Variants in ATP8B3 observed in about 807,000 individuals in gnomAD.
ATP8B3 encodes phospholipid-transporting ATPase IK.
Under a neutral mutation model 140.9 loss-of-function variants are expected in ATP8B3, and 141 were observed. The observed-to-expected ratio is 1.00, with a 90% CI of 0.87 to 1.15. The LOEUF is 1.15. Among genes scored for constraint, ATP8B3 ranks in the 50% most tolerant of loss-of-function variants. ATP8B3 has a pLI of 0.00. For synonymous variants in ATP8B3, 765 were observed against 714.6 expected (o/e 1.07, Z -1.13); for missense variants, 1,874 against 1,740.6 (o/e 1.08, Z -1.36).
intron 14 of ATP8B3, among the ~76,000 whole-genome samples, chr19:1,797,555 A>G (rs1281892328): frequency 6.6e-6 from 1 of 150,482 alleles, no homozygotes; most frequent in African/African-American, 2.5e-5. Flanking sequence ...ACTGGAGTGC[A>G]GTGGCACAAG....
At chr19:1,799,679 G>A (rs1271205187) in intron 14 of ATP8B3, 20 of 562,828 alleles carry the variant, frequency 3.6e-5, no homozygotes, top group South Asian at 1.2e-4. Flanking sequence ...CAGGAGAATC[G>A]CTTGAACCTG....
chr19:1,790,951 C>G, intron 20 of ATP8B3, 119 bp from the exon 21 acceptor site: 7 of 831,630 alleles, frequency 8.4e-6, no homozygotes, highest in Non-Finnish European at 1.3e-5. Context: ...GCCCCACCCC[C>G]TGGCCATGGT....
At chr19:1,809,572 CA>C in intron 4 of ATP8B3, 70 bp downstream of exon 4, 2 of 1,385,168 alleles carry the variant, frequency 1.4e-6, no homozygotes, top group Non-Finnish European at 2.0e-6. Flanking sequence ...TCAGGAGGAG[CA>C]AAAAATAGAT....
chr19:1,806,674 C>A lies in ATP8B3; in HGVS notation c.631G>T (p.Asp211Tyr). ...LVDDMGRHKSDRAINNRPCQI... is the reference protein window; with the variant it reads ...LVDDMGRHKSYRAINNRPCQI... ...CAGGGTCTGTTGTTGATGGCTCTGT[C>A]ACTCTTGTGTCTCCCCTGGGCCAGG... Residue 211 changes from aspartate to tyrosine, a missense_variant, in exon 7 of 29, where the codon GAC (aspartate) becomes TAC (tyrosine). Transcript: ENST00000310127. The surrounding 1 kb of genome is among the most constrained non-coding windows in gnomAD (Gnocchi z 5.6). 6.4e-7 allele frequency: 1 copy of A among 1,564,422 alleles called. No individual in the cohort carries two copies. The highest frequency in any genetic ancestry group is 2.4e-5 in the East Asian group (1 of 41,782).
chr19:1,800,066 C>T lies in ATP8B3; in HGVS notation c.1433G>A (p.Arg478His), dbSNP rs745956143. Reference sequence around the variant, plus strand: ...CAGGTGGTCGTTGAGGCTGGTGCTGCGGGCCTTGGCAGGCACGTCCTGCGG... The same window carrying T: ...CAGGTGGTCGTTGAGGCTGGTGCTGTGGGCCTTGGCAGGCACGTCCTGCGG... ...YKPQDVPAKA[R>H]STSLNDHLGQ... Residue 478 changes from arginine (R) to histidine (H), a missense_variant, in exon 14 of 29, where the codon CGC (arginine) becomes CAC (histidine). Arg to His is a conservative substitution (Grantham distance 29). Around this residue, in one of 3 missense-constraint regions of ATP8B3, gnomAD observed 1,032 missense variants for 963.6 expected, o/e 1.07. Coordinates refer to ENST00000310127, the MANE Select transcript of ATP8B3 (RefSeq NM_138813.4). The surrounding 1 kb of genome is among the most constrained non-coding windows in gnomAD (Gnocchi z 4.4). 7.6e-6 allele frequency: 12 copies of T among 1,589,234 alleles called. No homozygotes were observed. The South Asian group carries it at 1.0e-4, about 14-fold the overall frequency.
At chr19:1,811,461 T>C in intron 2 of ATP8B3, 28 bp downstream of exon 2, 1 of 1,600,944 alleles carries the variant, frequency 6.2e-7, no homozygotes, top group South Asian at 1.1e-5. Context: ...GCCCCTGTGT[T>C]CCGGCCACCC....
chr19:1,805,511 G>GCC lies in ATP8B3; in HGVS notation c.822-57_822-56dup. On this transcript the variant is annotated intron_variant, in intron 9 of 28. Transcript: ENST00000310127. The surrounding 1 kb of genome is among the most constrained non-coding windows in gnomAD (Gnocchi z 5.2). The stretch of plus-strand genomic sequence containing the variant: ...GTGGAGTTGATGGATGCTTCGAGGA[G>GCC]CCCCCAGACCCCTTCTGGAGTCACT... 1 of 1,410,784 alleles carries GCC rather than the reference G, an allele frequency of 7.1e-7. No homozygotes were observed. The allele number at this position is 1,410,784 out of a possible 1,614,324, so 87.4% of individuals were successfully genotyped here. A position where few individuals can be genotyped will look rare whatever the true frequency, so the allele number is the denominator to read the frequency against.
At position 1,784,918 on chromosome 19, in the gene ATP8B3, G is replaced by T. The variant is rs1200833999; in HGVS notation, c.3561C>A (p.Pro1187=). ...TCAGCAGGACCACCAGCAGGATGGA[G>T]GGAGAGGACATCACGCTGAGGTCGG... The part of the protein sequence containing the change: ...LYADLSVMSS[P]SILLVVLLSV... Residue 1187 remains proline (P), a synonymous_variant, in exon 28 of 29, where the codon CCC becomes CCA. Transcript: ENST00000310127. 1.9e-6 allele frequency: 3 copies of T among 1,612,446 alleles called. No homozygotes were observed. Among genetic ancestry groups the T allele is most frequent in the Non-Finnish European group, 2.5e-6 (3 of 1,179,304 alleles).
rs759214208 is a variant in ATP8B3, at chr19:1,796,888, G to A, written c.1585-9C>T. The A allele has an allele frequency of 3.0e-5, 48 of 1,610,944 alleles. No homozygotes were observed. The highest frequency in any genetic ancestry group is 4.0e-5 in the Non-Finnish European group (47 of 1,178,828). On this transcript the variant is annotated splice_polypyrimidine_tract_variant and intron_variant, in intron 15 of 28. Coordinates refer to ENST00000310127, the MANE Select transcript of ATP8B3 (RefSeq NM_138813.4). ...CAGAGGTAGGGGTTCTCCTGGGGGT[G>A]GCGGGGGCACGGGCCGGCTGTGGGT... is the stretch of plus-strand genomic sequence containing the variant.
intron 18 of ATP8B3, among the ~76,000 whole-genome samples, chr19:1,792,611 G>C (rs1179027172): frequency 7.0e-6 from 1 of 142,032 alleles, no homozygotes; most frequent in Non-Finnish European, 1.5e-5. Context: ...AAAAACAATA[G>C]AAAGAAAGCG....
In ATP8B3 at chr19:1,809,598, A is replaced by G. The variant is rs1232347144; in HGVS notation, c.402+45T>C. The G allele has an allele frequency of 2.6e-6, 4 of 1,516,978 alleles. No individual in the cohort carries two copies. In the Admixed American group the frequency reaches 5.7e-5, roughly 22 times the overall value. The allele number at this position is 1,516,978 out of a possible 1,614,324, so 94.0% of individuals were successfully genotyped here. A position where few individuals can be genotyped will look rare whatever the true frequency, so the allele number is the denominator to read the frequency against. On this transcript the variant is annotated intron_variant, in intron 4 of 28. Coordinates refer to ENST00000310127, the MANE Select transcript of ATP8B3 (RefSeq NM_138813.4). ...AAAAAATAGATTCCCCGAGGGTACC[A>G]CGGCAGCTCCTCTGGAGCAGGGAGG...
At chr19:1,804,169 C>T (rs1003803878) in intron 10 of ATP8B3, among the ~76,000 whole-genome samples, 1 of 152,148 alleles carries the variant, frequency 6.6e-6, no homozygotes, top group Non-Finnish European at 1.5e-5. Flanking sequence ...TTCCACATCA[C>T]GTGTGAAACA....
chr19:1,789,998 C>T lies in ATP8B3; in HGVS notation c.2379-9G>A. On this transcript the variant is annotated splice_polypyrimidine_tract_variant and intron_variant, in intron 21 of 28. Coordinates refer to ENST00000310127, the MANE Select transcript of ATP8B3 (RefSeq NM_138813.4). ...AGGTCTCCAGGATGCGGCTGCGGGG[C>T]GCAGGGGTCAGCGGGGCAGGGGAGG... The T allele has an allele frequency of 1.2e-6, 2 of 1,601,660 alleles. No homozygotes were observed. The highest frequency in any genetic ancestry group is 2.2e-5 in the East Asian group (1 of 44,790).
In ATP8B3 at chr19:1,806,104, A is replaced by T; in HGVS notation, c.743T>A (p.Ile248Asn). 2 of 1,602,868 alleles carry T rather than the reference A, an allele frequency of 1.2e-6. No homozygotes were observed. The highest frequency in any genetic ancestry group is 1.7e-5 in the Admixed American group (1 of 58,496). The change falls in exon 8 of 29, where the codon ATC becomes AAC. Residue 248 changes from isoleucine to asparagine, a missense_variant. Ile to Asn is a moderately radical substitution (Grantham distance 149). This residue lies in a region of ATP8B3 where 1,032 missense variants were observed against 963.6 expected (regional missense o/e 1.07). Transcript: ENST00000310127. The surrounding 1 kb of genome is among the most constrained non-coding windows in gnomAD (Gnocchi z 5.6). ...GGGTCAACCCCAGCTCACTGGGACG[A>T]TGTTGTCCTTGCGGAGACAGACCAC... is the stretch of plus-strand genomic sequence containing the variant. Reference protein sequence around the residue: ...GDVVCLRKDNIVPADMLLLAS... With the variant: ...GDVVCLRKDNNVPADMLLLAS...
At chr19:1,802,407 A>AAACCC in intron 11 of ATP8B3, 80 bp downstream of exon 11, 2 of 318,102 alleles carry the variant, frequency 6.3e-6, no homozygotes, top group South Asian at 2.0e-5. Context: ...CCACCCACCT[A>AAACCC]CCCACCCACC....
Position 1,806,589 on chromosome 19 carries a change from C to T in ATP8B3, c.677+39G>A, listed in dbSNP as rs1277811516. On this transcript the variant is annotated intron_variant, in intron 7 of 28. Coordinates refer to ENST00000310127, the MANE Select transcript of ATP8B3 (RefSeq NM_138813.4). The surrounding 1 kb of genome is among the most constrained non-coding windows in gnomAD (Gnocchi z 5.6). ...GATGACCCTGCTGGGCTGGAGCCCC[C>T]GTGTCCCCGCGGATCCCCAGCTGCA... 27 of 1,550,266 alleles carry T rather than the reference C, an allele frequency of 1.7e-5. No individual in the cohort carries two copies. The highest frequency in any genetic ancestry group is 2.4e-5 in the East Asian group (1 of 40,936).
chr19:1,804,812 A>G (rs775532185), intron 10 of ATP8B3, among the ~76,000 whole-genome samples: 1 of 152,170 alleles, frequency 6.6e-6, no homozygotes, highest in Non-Finnish European at 1.5e-5. Flanking sequence ...GTCTCAAAAA[A>G]AGAAAAAGAA....
Position 1,784,817 on chromosome 19 carries a change from A to G in ATP8B3, c.3660+2T>C. 6.3e-7 allele frequency: 1 copy of G among 1,598,770 alleles called. No homozygotes were observed. Among genetic ancestry groups the G allele is most frequent in the South Asian group, 1.1e-5 (1 of 88,192 alleles). On this transcript the variant is annotated splice_donor_variant, in intron 28 of 28. Transcript: ENST00000310127. LOFTEE classifies it high-confidence loss of function. ...AGGACCCCAGGCCCAGGCCCACCTC[A>G]CCTTGGCACGTAGCTCCTTGAGGGC...
At chr19:1,790,660 T>G in intron 21 of ATP8B3, 97 bp downstream of exon 21, 3 of 461,792 alleles carry the variant, frequency 6.5e-6, no homozygotes, top group East Asian at 2.4e-4. Context: ...CTTCCCACTG[T>G]GCCTTGGGCT....
Sources: gnomAD v4.1 joint callset for allele counts (sites outside exome capture counted in the v4.1 genomes callset) on GRCh38, gnomAD v4.1.1 for gene constraint, gnomAD v4.1.1 regional missense constraint, Gnocchi (gnomAD v3.1) non-coding constraint, MANE v1.5 for transcripts, NCBI Gene and HGNC (gene_info 2026-07-23, HGNC 2026-07-21) for gene names.